The following FAM199X variants were observed in gnomAD, a reference collection of about 807,000 sequenced individuals.
The protein encoded by FAM199X is family with sequence similarity 199, X-linked.
A neutral mutation model predicts 22.9 loss-of-function variants in FAM199X; 4 were observed. The ratio of observed to expected loss-of-function variants is 0.17; its 90% CI spans 0.09 to 0.40. The LOEUF (loss-of-function observed/expected upper bound fraction) is 0.40. Among genes scored for constraint, FAM199X ranks in the 10% least tolerant of loss-of-function variants. The pLI is 1.00. For missense variants in FAM199X, 183 were observed against 306.8 expected (o/e 0.60, Z 3.01); for synonymous variants, 101 against 112.3 (o/e 0.90, Z 0.64).
In FAM199X at chrX:104,188,217, T is replaced by C. The variant is rs896423622; in HGVS notation, c.907T>C (p.Ser303Pro). 1 of 1,212,158 alleles carries C rather than the reference T, an allele frequency of 8.2e-7. No individual in the cohort carries two copies. Among genetic ancestry groups the C allele is most frequent in the Non-Finnish European group, 1.1e-6 (1 of 895,536 alleles). The change falls in exon 5 of 6, where the codon TCT becomes CCT. Residue 303 changes from serine to proline, a missense_variant. Around this residue, in one of 2 missense-constraint regions of FAM199X, gnomAD observed 128 missense variants for 246.2 expected, o/e 0.52. Transcript: ENST00000493442. Reference protein sequence around the residue: ...ASSSGSSVGNSASNSSANMSR... With the variant: ...ASSSGSSVGNPASNSSANMSR... Reference sequence around the variant, plus strand: ...CAGCAGTGGGTCCAGTGTTGGAAACTCTGCTTCAAACTCCAGTGCCAACAT... The same window carrying C: ...CAGCAGTGGGTCCAGTGTTGGAAACCCTGCTTCAAACTCCAGTGCCAACAT...
At chrX:104,170,652 A>G (rs1921328772) in intron 1 of FAM199X, among the ~76,000 whole-genome samples, 1 of 111,616 alleles carries the variant, frequency 9.0e-6, no homozygotes, top group Non-Finnish European at 1.9e-5. Context: ...AGCAGGCCAC[A>G]GGAAAGGGAG....
chrX:104,166,547 G>A lies in FAM199X; in HGVS notation c.-239G>A. The A allele has an allele frequency of 7.4e-6, 2 of 268,619 alleles. No homozygotes were observed. 22.1% of individuals were successfully genotyped at this position (268,619 alleles called of 1,213,427 possible). A position where few individuals can be genotyped will look rare whatever the true frequency, so the allele number is the denominator to read the frequency against. On this transcript the variant is annotated 5_prime_UTR_variant, in exon 1 of 6. Coordinates refer to ENST00000493442, the MANE Select transcript of FAM199X (RefSeq NM_207318.4). ...GCTGAGTCTGGCGGCGGCGGAAGCTGCAGAGGCCACCGGGGCGCTAACTGG... is the reference window on the plus strand; with the variant it reads ...GCTGAGTCTGGCGGCGGCGGAAGCTACAGAGGCCACCGGGGCGCTAACTGG...
chrX:104,186,696 T>C (rs1271153573), intron 4 of FAM199X, 75 bp downstream of exon 4: 8 of 944,102 alleles, frequency 8.5e-6, no homozygotes, highest in Non-Finnish European at 1.2e-5. Context: ...AAAATAATCA[T>C]GTGTAAATAC....
upstream of FAM199X, among the ~76,000 whole-genome samples, chrX:104,166,069 A>G (rs1428561384): frequency 8.9e-6 from 1 of 112,300 alleles, no homozygotes; most frequent in Non-Finnish European, 1.9e-5. Context: ...TTTCTCCTAC[A>G]CCTCATTGCA....
the FAM199X span, among the ~76,000 whole-genome samples, chrX:104,157,674 C>T: frequency 1.8e-5 from 2 of 111,873 alleles, no homozygotes; most frequent in African/African-American, 6.5e-5. Flanking sequence ...TTGATCTCAC[C>T]TAAGACCTCT....
the FAM199X span, among the ~76,000 whole-genome samples, chrX:104,158,042 A>G: frequency 1.8e-5 from 2 of 112,627 alleles, no homozygotes; most frequent in Non-Finnish European, 3.7e-5. Context: ...CAGATTGCAT[A>G]TAAATCAATA....
chrX:104,163,646 T>C (rs1412219604), upstream of FAM199X, among the ~76,000 whole-genome samples: 3 of 110,831 alleles, frequency 2.7e-5, no homozygotes, highest in Admixed American at 2.9e-4. Context: ...GCTATCCGTG[T>C]CTATGTCAGT....
chrX:104,178,754 T>C (rs1394045516), intron 2 of FAM199X, among the ~76,000 whole-genome samples: 1 of 112,074 alleles, frequency 8.9e-6, no homozygotes, highest in Admixed American at 9.5e-5. Context: ...GTGTCTGTCC[T>C]TAACGCTAGT....
intron 1 of FAM199X, among the ~76,000 whole-genome samples, chrX:104,175,294 A>T (rs1391898378): frequency 8.9e-6 from 1 of 112,121 alleles, no homozygotes; most frequent in Non-Finnish European, 1.9e-5. Context: ...AGTGTACTAC[A>T]AAAATTTTCA....
At chrX:104,182,052 G>C (rs1470529786) in intron 2 of FAM199X, among the ~76,000 whole-genome samples, 1 of 101,943 alleles carries the variant, frequency 9.8e-6, no homozygotes, top group Non-Finnish European at 2.0e-5. Context: ...GCAGTGGTGC[G>C]ATCTTGGCTC....
chrX:104,177,441 CT>C (rs1556376715), intron 2 of FAM199X, among the ~76,000 whole-genome samples: 4 of 112,081 alleles, frequency 3.6e-5, no homozygotes, highest in Non-Finnish European at 5.6e-5. Context: ...GTTCAAGTTT[CT>C]ATGTGGATTT....
At chrX:104,164,154 G>C (rs1921099393), upstream of FAM199X, among the ~76,000 whole-genome samples, 1 of 112,499 alleles carries the variant, frequency 8.9e-6, no homozygotes, top group African/African-American at 3.2e-5. Flanking sequence ...GTGTAATGTG[G>C]TATATATGAT....
In FAM199X at chrX:104,192,959, A is replaced by G. The variant is rs1197699553; in HGVS notation, c.*3181A>G. ...GCTTTAAAAATTATAAAATATAGCA[A>G]ATGTCTTCATATTTTAGCCAGAAAT... On this transcript the variant is annotated 3_prime_UTR_variant, in exon 6 of 6. Coordinates refer to ENST00000493442, the MANE Select transcript of FAM199X (RefSeq NM_207318.4). 1 of 111,788 alleles carries G rather than the reference A, an allele frequency of 8.9e-6. No homozygotes were observed. Among genetic ancestry groups the G allele is most frequent in the African/African-American group, 3.2e-5 (1 of 30,900 alleles). The allele number at this position is 111,788 out of a possible 1,213,427, so 9.2% of individuals were successfully genotyped here. A position where few individuals can be genotyped will look rare whatever the true frequency, so the allele number is the denominator to read the frequency against.
chrX:104,172,035 T>C (rs922769360), intron 1 of FAM199X, among the ~76,000 whole-genome samples: 2 of 111,351 alleles, frequency 1.8e-5, no homozygotes, highest in African/African-American at 3.3e-5. Flanking sequence ...TGGCAATGGA[T>C]GAAAGTACTT....
At chrX:104,165,442 G>A (rs1556373523), upstream of FAM199X, among the ~76,000 whole-genome samples, 1 of 110,825 alleles carries the variant, frequency 9.0e-6, no homozygotes, top group African/African-American at 3.3e-5. Context: ...CCTCCTTTCC[G>A]CCTATTTAAG....
intron 2 of FAM199X, among the ~76,000 whole-genome samples, chrX:104,180,565 G>A (rs926091630): frequency 9.0e-6 from 1 of 110,950 alleles, no homozygotes; most frequent in Non-Finnish European, 1.9e-5. Context: ...GAGTGACTAT[G>A]ATGTCAGAAC....
chrX:104,161,528 A>T (rs1292669928), upstream of FAM199X, among the ~76,000 whole-genome samples: 1 of 112,062 alleles, frequency 8.9e-6, no homozygotes, highest in African/African-American at 3.2e-5. Context: ...TTACGGGGGA[A>T]CAATATATCT....
upstream of FAM199X, among the ~76,000 whole-genome samples, chrX:104,162,681 A>G (rs1483627519): frequency 8.9e-6 from 1 of 112,299 alleles, no homozygotes; most frequent in Non-Finnish European, 1.9e-5. Context: ...GAGGAAAGAT[A>G]GTCTTTTCAA....
rs1556381454 is a variant in FAM199X, at chrX:104,195,551, A to G, written c.*5773A>G. ...TAGGTCTAATTTTTTTTGACAAAAA[A>G]TAGATCTATTTTCCTTATATATTGA... is the stretch of plus-strand genomic sequence containing the variant. On this transcript the variant is annotated 3_prime_UTR_variant, in exon 6 of 6. Transcript: ENST00000493442. 1 of 111,457 alleles carries G rather than the reference A, an allele frequency of 9.0e-6. No individual in the cohort carries two copies. The highest frequency in any genetic ancestry group is 3.3e-5 in the African/African-American group (1 of 30,714). The allele number at this position is 111,457 out of a possible 1,213,427, so 9.2% of individuals were successfully genotyped here. A position where few individuals can be genotyped will look rare whatever the true frequency, so the allele number is the denominator to read the frequency against.
Sources: gnomAD v4.1 joint callset for allele counts (sites outside exome capture counted in the v4.1 genomes callset) on GRCh38, gnomAD v4.1.1 for gene constraint, gnomAD v4.1.1 regional missense constraint, MANE v1.5 for transcripts, NCBI Gene and HGNC (gene_info 2026-07-23, HGNC 2026-07-21) for gene names.